RERE: variants seen among roughly 807,000 people sequenced by gnomAD.
RERE encodes arginine-glutamic acid dipeptide repeats protein.
RERE carries 40 observed loss-of-function variants against 146.1 expected under a neutral mutation model. The observed-to-expected ratio is 0.27, with a 90% CI of 0.21 to 0.36. RERE has a LOEUF of 0.36. RERE is among the 10% of genes least tolerant of loss of function. The pLI, the probability that RERE is intolerant of heterozygous loss-of-function variation, is 1.00. For synonymous variants in RERE, 1,003 were observed against 866.0 expected (o/e 1.16, Z -2.78); for missense variants, 1,933 against 2,138.7 (o/e 0.90, Z 1.90).
intron 1 of RERE, among the ~76,000 whole-genome samples, chr1:8,680,914 G>C (rs1278292089): frequency 2.0e-5 from 3 of 152,120 alleles, no homozygotes; most frequent in African/African-American, 7.2e-5. Context: ...CCACTAATAT[G>C]GGTCAATCTC....
Position 8,546,779 on chromosome 1 carries a change from C to G in RERE, c.726-5461G>C, listed in dbSNP as rs528470196. 2.7e-5 allele frequency among the ~76,000 whole-genome samples: 4 copies of G among 149,430 alleles called. No homozygotes were observed. In the Admixed American group the frequency reaches 2.7e-4, roughly 10 times the overall value. ...AGGAGAATCGTTTGAACCTGGGAAG[C>G]AGAGGTTGCAGTGAGCCAAGATGGC... On this transcript the variant is annotated intron_variant, in intron 6 of 22. Coordinates refer to ENST00000400908, the MANE Select transcript of RERE (RefSeq NM_001042681.2).
intron 1 of RERE, among the ~76,000 whole-genome samples, chr1:8,689,457 G>C (rs1639160254): frequency 6.6e-6 from 1 of 152,136 alleles, no homozygotes; most frequent in Non-Finnish European, 1.5e-5. Context: ...GTATAAAAAT[G>C]AAAGGATACA....
At chr1:8,434,447 A>T (rs74974357) in intron 11 of RERE, among the ~76,000 whole-genome samples, 102 of 152,092 alleles carry the variant, frequency 6.7e-4, no homozygotes, top group Non-Finnish European at 1.3e-3. Context: ...AACAAATCAA[A>T]CCACACATAC....
At chr1:8,491,719 ATACTCC>A (rs1285523003) in intron 10 of RERE, among the ~76,000 whole-genome samples, 1 of 152,244 alleles carries the variant, frequency 6.6e-6, no homozygotes, top group Non-Finnish European at 1.5e-5. Context: ...TCGTATTTAA[ATACTCC>A]TACTGGATGT....
chr1:8,505,237 T>C (rs1331680273), intron 8 of RERE, among the ~76,000 whole-genome samples: 4 of 152,188 alleles, frequency 2.6e-5, no homozygotes, highest in African/African-American at 9.7e-5. Context: ...GAGAGAAAGA[T>C]ACAGACAGAC....
At chr1:8,609,758 G>A (rs1174423072) in intron 4 of RERE, among the ~76,000 whole-genome samples, 1 of 152,042 alleles carries the variant, frequency 6.6e-6, no homozygotes, top group African/African-American at 2.4e-5. Flanking sequence ...TTCTTAAATG[G>A]TACTATGGTA....
intron 1 of RERE, chr1:8,750,413 C>CT: frequency 1.3e-6 from 1 of 755,948 alleles, no homozygotes; most frequent in Non-Finnish European, 2.3e-6. Flanking sequence ...CCAGTAGCCT[C>CT]TTTTTCCGGC....
At chr1:8,511,934 T>C (rs1459226501) in intron 7 of RERE, 2 of 151,128 alleles carry the variant, frequency 1.3e-5, no homozygotes, top group Non-Finnish European at 2.9e-5. Flanking sequence ...TGCTCCCTTC[T>C]TGAATGCACC....
chr1:8,355,369 G>A lies in RERE; in HGVS notation c.4667+50C>T, dbSNP rs1236652169. 1.6e-5 allele frequency: 25 copies of A among 1,588,546 alleles called. No individual in the cohort carries two copies. In the Admixed American group the frequency reaches 4.1e-4, roughly 26 times the overall value. On this transcript the variant is annotated intron_variant, in intron 22 of 22. Coordinates refer to ENST00000400908, the MANE Select transcript of RERE (RefSeq NM_001042681.2). ...GGCCCTGGGCACACGGGGAGGTTGGGAGCCTGGGCTCAGATAACCCCTCCA... is the reference window on the plus strand; with the variant it reads ...GGCCCTGGGCACACGGGGAGGTTGGAAGCCTGGGCTCAGATAACCCCTCCA...
At position 8,559,312 on chromosome 1, in the gene RERE, A is replaced by G. The variant is rs565736142; in HGVS notation, c.523-1789T>C. On this transcript the variant is annotated intron_variant, in intron 4 of 22. Coordinates refer to ENST00000400908, the MANE Select transcript of RERE (RefSeq NM_001042681.2). Reference sequence around the variant, plus strand: ...AAAAAAAAAAAAAAAAAACAGAACAAAACAAAACAAAAAACCAAAGTAAAT... The same window carrying G: ...AAAAAAAAAAAAAAAAAACAGAACAGAACAAAACAAAAAACCAAAGTAAAT... Among the ~76,000 whole-genome samples, 99 of 148,466 alleles carry G rather than the reference A, an allele frequency of 6.7e-4. 1 individual carries two copies. In the East Asian group the frequency reaches 9.9e-3, roughly 15 times the overall value.
At chr1:8,752,463 A>G (rs1640558755) in intron 1 of RERE, among the ~76,000 whole-genome samples, 1 of 152,186 alleles carries the variant, frequency 6.6e-6, no homozygotes, top group African/African-American at 2.4e-5. Flanking sequence ...TCAGGTTCAG[A>G]GAAGAGACTA....
intron 12 of RERE, among the ~76,000 whole-genome samples, chr1:8,410,731 G>C (rs1643593027): frequency 6.6e-6 from 1 of 152,108 alleles, no homozygotes; most frequent in Non-Finnish European, 1.5e-5. Context: ...AGCCCCAAGT[G>C]TCCATCTTCC....
intron 4 of RERE, 34 bp downstream of exon 4, chr1:8,614,527 T>C: frequency 6.3e-7 from 1 of 1,595,320 alleles, no homozygotes; most frequent in Non-Finnish European, 8.5e-7. Flanking sequence ...GGATATAAAA[T>C]ACTGATAGCT....
intron 12 of RERE, among the ~76,000 whole-genome samples, chr1:8,413,395 C>A (rs1380345555): frequency 1.3e-5 from 2 of 152,210 alleles, no homozygotes; most frequent in East Asian, 3.9e-4. Flanking sequence ...CAGGCTGGAG[C>A]ATAGCAGCGT....
chr1:8,360,355 G>A lies in RERE; in HGVS notation c.3152C>T (p.Thr1051Ile), dbSNP rs774921292. The A allele has an allele frequency of 2.7e-6, 4 of 1,486,812 alleles. No individual in the cohort carries two copies. Among genetic ancestry groups the A allele is most frequent in the African/African-American group, 1.4e-5 (1 of 70,144 alleles). The allele number at this position is 1,486,812 out of a possible 1,614,324, so 92.1% of individuals were successfully genotyped here. The change falls in exon 18 of 23, where the codon ACC (threonine) becomes ATC (isoleucine). Residue 1051 changes from threonine (T) to isoleucine (I), a missense_variant. By Grantham distance (89) the Thr-to-Ile change is moderately conservative. Around this residue, in one of 11 missense-constraint regions of RERE, gnomAD observed 1,255 missense variants for 1,153.8 expected, o/e 1.09. Transcript: ENST00000400908. Reference sequence around the variant, plus strand: ...CGGTGGGGTAGAGGTGGAGGGGCAGGTCGGAGGGGTGATGGGAGGAGGGCC... The same window carrying A: ...CGGTGGGGTAGAGGTGGAGGGGCAGATCGGAGGGGTGATGGGAGGAGGGCC... ...PGGPPPITPPTCPSTSTPPAG... is the reference protein window; with the variant it reads ...PGGPPPITPPICPSTSTPPAG...
intron 10 of RERE, among the ~76,000 whole-genome samples, chr1:8,489,596 T>C (rs1191474224): frequency 6.6e-6 from 1 of 151,884 alleles, no homozygotes; most frequent in East Asian, 1.9e-4. Context: ...CCCTATTAAA[T>C]TAGGAAATTC....
In RERE at chr1:8,636,484, T is replaced by C. The variant is rs1283097718; in HGVS notation, c.326-12104A>G. On this transcript the variant is annotated intron_variant, in intron 2 of 22. Coordinates refer to ENST00000400908, the MANE Select transcript of RERE (RefSeq NM_001042681.2). ...AGGAGTATGAGCCTGCAGTGAACTA[T>C]GATGACCACTGCACTCCAGCCTGGG... is the stretch of plus-strand genomic sequence containing the variant. 3.3e-5 allele frequency among the ~76,000 whole-genome samples: 5 copies of C among 152,066 alleles called. No individual in the cohort carries two copies. In the East Asian group the frequency reaches 9.6e-4, roughly 29 times the overall value.
chr1:8,799,076 C>T (rs945046975), intron 1 of RERE, among the ~76,000 whole-genome samples: 4 of 152,044 alleles, frequency 2.6e-5, no homozygotes, highest in Non-Finnish European at 1.5e-5. Flanking sequence ...TCACTGCAAC[C>T]TCTGCCTCCC....
chr1:8,592,572 TA>T (rs1435442248), intron 4 of RERE, among the ~76,000 whole-genome samples: 1 of 150,326 alleles, frequency 6.7e-6, no homozygotes, highest in Non-Finnish European at 1.5e-5. Flanking sequence ...GCATCCAGCC[TA>T]AAAAAAAATC....
Sources: allele counts gnomAD v4.1 joint callset (sites outside exome capture counted in the v4.1 genomes callset), GRCh38; gene constraint gnomAD v4.1.1; regional missense constraint gnomAD v4.1.1; transcripts MANE v1.5; gene names NCBI Gene and HGNC (gene_info 2026-07-23, HGNC 2026-07-21).